CCNY: variants seen among roughly 807,000 people sequenced by gnomAD.
CCNY encodes cyclin-Y.
Under a neutral mutation model 42.8 loss-of-function variants are expected in CCNY, and 19 were observed. That is an observed-to-expected ratio of 0.44 (90% CI 0.31 to 0.65). The LOEUF is 0.65. Ranked by LOEUF, CCNY falls within the 30% of genes least tolerant of loss-of-function variation. The pLI is 0.07. For synonymous variants in CCNY, 165 were observed against 162.7 expected, an observed-to-expected ratio of 1.01 and a Z score of -0.11; for missense variants, 370 against 437.3, an observed-to-expected ratio of 0.85 and a Z score of 1.37.
At chr10:35,520,398 C>T (rs1011871869) in intron 4 of CCNY, among the ~76,000 whole-genome samples, 3 of 152,082 alleles carry the variant, frequency 2.0e-5, no homozygotes, top group Admixed American at 6.6e-5. Context: ...CTTTGCCTCC[C>T]GTTAACCCAG....
chr10:35,271,560 C>T (rs1296950281), intron 3 of CCNY, among the ~76,000 whole-genome samples: 1 of 152,210 alleles, frequency 6.6e-6, no homozygotes, highest in African/African-American at 2.4e-5. Flanking sequence ...CAGAGCCTAA[C>T]CTGCTAGGCT....
chr10:35,465,938 A>AGAGAGAGAGAGAGAGAGAGGGTGTGT, intron 1 of CCNY, among the ~76,000 whole-genome samples: 2 of 80,960 alleles, frequency 2.5e-5, no homozygotes, highest in Non-Finnish European at 5.3e-5. Context: ...AGAGAGAGAG[A>AGAGAGAGAGAGAGAGAGAGGGTGTGT]GTGTGTGTGT....
At chr10:35,423,364 A>G (rs962570685) in intron 1 of CCNY, among the ~76,000 whole-genome samples, 6 of 151,838 alleles carry the variant, frequency 4.0e-5, no homozygotes, top group African/African-American at 1.5e-4. Flanking sequence ...ATTCTCAACT[A>G]CTTGGGAGGC....
In CCNY at chr10:35,336,745, CG is replaced by C. The variant is rs1267399830; in HGVS notation, c.-305del. ...GCGGCGCCGCCCGCCATGGCCGCGG[CG>C]GGGTGAGGTAGGCGCGGCGGCCGCA... On this transcript the variant is annotated 5_prime_UTR_variant, in exon 1 of 10. The change abolishes the stop of an existing upstream ORF in the 5' untranslated region. Coordinates refer to ENST00000374704, the MANE Select transcript of CCNY (RefSeq NM_145012.6). 1 of 146,854 alleles carries C rather than the reference CG, an allele frequency of 6.8e-6. No individual in the cohort carries two copies. Among genetic ancestry groups the C allele is most frequent in the Non-Finnish European group, 1.5e-5 (1 of 66,060 alleles). The allele number at this position is 146,854 out of a possible 1,614,324, so 9.1% of individuals were successfully genotyped here. A position where few individuals can be genotyped will look rare whatever the true frequency, so the allele number is the denominator to read the frequency against.
chr10:35,457,138 T>A (rs1338993638), intron 1 of CCNY, among the ~76,000 whole-genome samples: 6 of 152,258 alleles, frequency 3.9e-5, no homozygotes, highest in Non-Finnish European at 8.8e-5. Flanking sequence ...TTTTCATGTT[T>A]GATGTATAAC....
intron 1 of CCNY, among the ~76,000 whole-genome samples, chr10:35,417,416 C>T (rs1056342163): frequency 1.3e-5 from 2 of 152,156 alleles, no homozygotes. Context: ...AACTTTTCTG[C>T]CTTAATGTCA....
intron 3 of CCNY, among the ~76,000 whole-genome samples, chr10:35,502,745 A>G (rs1589163726): frequency 6.6e-6 from 1 of 150,628 alleles, no homozygotes; most frequent in East Asian, 1.9e-4. Context: ...GAAAATTGCC[A>G]TGCCTTTTTT....
At chr10:35,498,078 C>T (rs920483339) in intron 2 of CCNY, among the ~76,000 whole-genome samples, 1 of 152,114 alleles carries the variant, frequency 6.6e-6, no homozygotes, top group Non-Finnish European at 1.5e-5. Context: ...GTGCACAGGG[C>T]GAGTCCTCTC....
At chr10:35,461,087 G>A (rs1564419952) in intron 1 of CCNY, among the ~76,000 whole-genome samples, 1 of 152,176 alleles carries the variant, frequency 6.6e-6, no homozygotes, top group African/African-American at 2.4e-5. Flanking sequence ...CCACCACTGG[G>A]CTGGCTGAAG....
At chr10:35,488,614 C>T (rs1218366543) in intron 2 of CCNY, among the ~76,000 whole-genome samples, 1 of 152,208 alleles carries the variant, frequency 6.6e-6, no homozygotes, top group Non-Finnish European at 1.5e-5. Context: ...TGCTTTGTTC[C>T]TTTGCTTACA....
At chr10:35,371,530 C>G (rs550790392) in intron 1 of CCNY, among the ~76,000 whole-genome samples, 7 of 152,336 alleles carry the variant, frequency 4.6e-5, no homozygotes, top group Non-Finnish European at 8.8e-5. Context: ...GATCTCACCT[C>G]CACCTGCCTT....
rs1316553256 is a variant in CCNY, at chr10:35,291,536, T to C, written c.-9+40910T>C. ...CATTTGTGTACGACTTCCTTTTTTTTTTTTTTTTTTTTTGAGACAGAGTCT... is the reference window on the plus strand; with the variant it reads ...CATTTGTGTACGACTTCCTTTTTTTCTTTTTTTTTTTTTGAGACAGAGTCT... On this transcript the variant is annotated intron_variant, in intron 3 of 11. Transcript: ENST00000374706. 5.4e-5 allele frequency among the ~76,000 whole-genome samples: 8 copies of C among 147,098 alleles called. 1 individual carries two copies. The East Asian group carries it at 7.9e-4, about 14-fold the overall frequency.
intron 8 of CCNY, 34 bp from the exon 9 acceptor site, chr10:35,565,989 C>CT (rs1841561986): frequency 6.3e-7 from 1 of 1,591,126 alleles, no homozygotes; most frequent in Non-Finnish European, 8.6e-7. Flanking sequence ...GGTGTGGCAG[C>CT]TAAGCATAGG....
intron 1 of CCNY, among the ~76,000 whole-genome samples, chr10:35,417,320 A>C (rs1838046722): frequency 6.6e-6 from 1 of 152,220 alleles, no homozygotes; most frequent in Non-Finnish European, 1.5e-5. Context: ...TTAGCTGTGG[A>C]GCAGAGTGGC....
At chr10:35,483,342 A>G in intron 1 of CCNY, 62 bp from the exon 2 acceptor site, 1 of 1,114,626 alleles carries the variant, frequency 9.0e-7, no homozygotes, top group Non-Finnish European at 1.4e-6. Flanking sequence ...AATTGAGTCA[A>G]TCTTGATTCC....
intron 3 of CCNY, among the ~76,000 whole-genome samples, chr10:35,275,312 C>A (rs1018907892): frequency 2.0e-5 from 3 of 151,586 alleles, no homozygotes; most frequent in African/African-American, 7.3e-5. Flanking sequence ...ATGATCTGCC[C>A]GCATTGGCCT....
At chr10:35,518,728 C>T (rs1372298439) in intron 4 of CCNY, among the ~76,000 whole-genome samples, 1 of 144,096 alleles carries the variant, frequency 6.9e-6, no homozygotes, top group East Asian at 2.0e-4. Context: ...TTGATTGAAT[C>T]TGGCTGAGGC....
rs117960191 is a variant in CCNY at position 35,437,997 on chromosome 10, G to A, written c.155-45407G>A. The stretch of plus-strand genomic sequence containing the variant: ...AGCCTACTCTGATCGCTGGATGCCA[G>A]TTCTCTGCTTGGCAGCAAATACTCT... On this transcript the variant is annotated intron_variant, in intron 1 of 9. Transcript: ENST00000374704. Among the ~76,000 whole-genome samples, 1,308 of 152,278 alleles carry A rather than the reference G, an allele frequency of 8.6e-3. 15 individuals carry two copies. The highest frequency in any genetic ancestry group is 0.031 in the South Asian group (149 of 4,826).
intron 1 of CCNY, among the ~76,000 whole-genome samples, chr10:35,467,066 C>T (rs1224177222): frequency 6.6e-6 from 1 of 152,218 alleles, no homozygotes; most frequent in Non-Finnish European, 1.5e-5. Flanking sequence ...GTGTTTACTG[C>T]TGTGTGCCCA....
Sources: gnomAD v4.1 joint callset for allele counts (sites outside exome capture counted in the v4.1 genomes callset) on GRCh38, gnomAD v4.1.1 for gene constraint, MANE v1.5 for transcripts, NCBI Gene and HGNC (gene_info 2026-07-23, HGNC 2026-07-21) for gene names.